The following QTGAL variants were observed in gnomAD, a reference collection of about 807,000 sequenced individuals.
QTGAL encodes the protein BGnT-like protein 1.
chr17:83,038,786 G>T, the QTGAL span, among the ~76,000 whole-genome samples: 1 of 152,052 alleles, frequency 6.6e-6, no homozygotes, highest in East Asian at 1.9e-4. Flanking sequence ...GAGAACCTGG[G>T]AGGTGGAGCT....
At chr17:82,960,374 C>T in the QTGAL span, 3 of 152,398 alleles carry the variant, frequency 2.0e-5, 1 homozygote, top group African/African-American at 4.8e-5. Flanking sequence ...GGGGCCGAGA[C>T]GCAAGCCTCG....
chr17:83,033,617 G>A, the QTGAL span, among the ~76,000 whole-genome samples: 178 of 150,706 alleles, frequency 1.2e-3, 1 homozygote, highest in Non-Finnish European at 2.1e-3. Context: ...GACTACAGGC[G>A]CCCACCACCA....
At chr17:82,970,608 C>CGACCTCCGCACACAGCGTGGCCGT in the QTGAL span, among the ~76,000 whole-genome samples, 4 of 29,740 alleles carry the variant, frequency 1.3e-4, no homozygotes, top group African/African-American at 6.0e-4. Context: ...GGCGTGGCCG[C>CGACCTCCGCACACAGCGTGGCCGT]GACCTCCCCA....
the QTGAL span, among the ~76,000 whole-genome samples, chr17:83,047,731 G>A: frequency 6.8e-6 from 1 of 148,086 alleles, no homozygotes; most frequent in Admixed American, 6.7e-5. Context: ...CAAAGAATAA[G>A]AAACTTAGGT....
At chr17:82,963,747 A>G in the QTGAL span, among the ~76,000 whole-genome samples, 1 of 152,098 alleles carries the variant, frequency 6.6e-6, no homozygotes, top group Admixed American at 6.5e-5. Context: ...CTGTTAGATG[A>G]GGTGCGCCCC....
chr17:82,942,705 G>A, the QTGAL span: 2 of 601,382 alleles, frequency 3.3e-6, no homozygotes, highest in East Asian at 2.8e-5. Flanking sequence ...GTACCAAGAA[G>A]TTCCTGCCTT....
At chr17:82,988,739 A>T in the QTGAL span, among the ~76,000 whole-genome samples, 1 of 152,250 alleles carries the variant, frequency 6.6e-6, no homozygotes, top group Non-Finnish European at 1.5e-5. Context: ...GCAGCAACAA[A>T]CATATGATAA....
chr17:82,996,288 C>T, the QTGAL span, among the ~76,000 whole-genome samples: 1 of 152,096 alleles, frequency 6.6e-6, no homozygotes. Context: ...CTTTGGGAGG[C>T]CAAGGCAGGT....
At chr17:83,017,348 C>G in the QTGAL span, among the ~76,000 whole-genome samples, 1 of 152,120 alleles carries the variant, frequency 6.6e-6, no homozygotes, top group Non-Finnish European at 1.5e-5. Context: ...TATGGCCAGG[C>G]GCAGTAGCTC....
chr17:82,985,297 T>TC, the QTGAL span, among the ~76,000 whole-genome samples: 1 of 152,242 alleles, frequency 6.6e-6, no homozygotes, highest in African/African-American at 2.4e-5. Context: ...CAAATGTGAC[T>TC]CAGACAATGA....
the QTGAL span, chr17:82,942,781 G>A: frequency 2.1e-6 from 1 of 467,448 alleles, no homozygotes; most frequent in African/African-American, 2.0e-5. Flanking sequence ...CAGCCAGAGG[G>A]GAGGTGGGCT....
At chr17:83,019,609 G>A in the QTGAL span, among the ~76,000 whole-genome samples, 3 of 152,262 alleles carry the variant, frequency 2.0e-5, no homozygotes, top group East Asian at 1.9e-4. Flanking sequence ...CGGAGGCGGC[G>A]GGGGCTGCAC....
the QTGAL span, among the ~76,000 whole-genome samples, chr17:82,979,656 ACT>A: frequency 6.6e-6 from 1 of 152,144 alleles, no homozygotes; most frequent in Non-Finnish European, 1.5e-5. Flanking sequence ...GAATTGGAAA[ACT>A]CTATAGTAAA....
the QTGAL span, among the ~76,000 whole-genome samples, chr17:82,970,096 A>C: frequency 6.6e-6 from 1 of 152,210 alleles, no homozygotes; most frequent in African/African-American, 2.4e-5. Flanking sequence ...TCGCACATCA[A>C]AGCTTTGGTG....
chr17:82,956,745 TG>T, the QTGAL span: 1 of 1,588,186 alleles, frequency 6.3e-7, no homozygotes, highest in South Asian at 1.2e-5. This position sits in a 1 kb window ranked among gnomAD's most constrained non-coding sequence, Gnocchi z 5.7. Context: ...AAGTGCAGGA[TG>T]GGGATTCGGG....
chr17:82,986,483 A>G, the QTGAL span, among the ~76,000 whole-genome samples: 6 of 152,264 alleles, frequency 3.9e-5, no homozygotes, highest in African/African-American at 1.4e-4. Flanking sequence ...GGTACCTGTA[A>G]GAGGCCATCA....
At chr17:82,973,492 G>A in the QTGAL span, among the ~76,000 whole-genome samples, 2 of 151,978 alleles carry the variant, frequency 1.3e-5, no homozygotes, top group Admixed American at 6.6e-5. Flanking sequence ...TGGAAAAGGA[G>A]ATGAAAAGCT....
the QTGAL span, among the ~76,000 whole-genome samples, chr17:82,977,732 A>G: frequency 6.6e-6 from 1 of 152,160 alleles, no homozygotes; most frequent in South Asian, 2.1e-4. Context: ...GACGCAGGGC[A>G]GGACGGTGAC....
the QTGAL span, chr17:82,946,741 G>T: frequency 1.4e-6 from 1 of 692,428 alleles, no homozygotes. Context: ...ATACATTACA[G>T]AAGAAAGGCT....
Sources: allele counts gnomAD v4.1 joint callset (sites outside exome capture counted in the v4.1 genomes callset), GRCh38; gene constraint gnomAD v4.1.1; non-coding constraint Gnocchi (gnomAD v3.1); transcripts MANE v1.5; gene names NCBI Gene and HGNC (gene_info 2026-07-23, HGNC 2026-07-21).